KDM2B: variants seen among roughly 807,000 people sequenced by gnomAD.
KDM2B encodes the protein lysine-specific demethylase 2B.
Under a neutral mutation model 150.0 loss-of-function variants are expected in KDM2B, and 26 were observed. That is an observed-to-expected ratio of 0.17 (90% confidence interval 0.13 to 0.24). The LOEUF (loss-of-function observed/expected upper bound fraction) is 0.24, where lower values mean the gene tolerates loss of function less well. KDM2B is among the 10% of genes least tolerant of loss of function. The probability of loss-of-function intolerance (pLI) is 1.00; values close to 1 mark genes in which losing one functional copy is unlikely to be tolerated. For missense variants in KDM2B, 1,265 were observed against 1,816.9 expected (o/e 0.70, Z 5.52); for synonymous variants, 734 against 729.5 (o/e 1.01, Z -0.10).
At chr12:121,462,961 G>C (rs989762902) in intron 12 of KDM2B, among the ~76,000 whole-genome samples, 1 of 150,972 alleles carries the variant, frequency 6.6e-6, no homozygotes, top group Non-Finnish European at 1.5e-5. Flanking sequence ...AATTAGCCAG[G>C]TGTGATGGCA....
intron 11 of KDM2B, among the ~76,000 whole-genome samples, chr12:121,499,156 G>C (rs1555301481): frequency 1.3e-5 from 2 of 148,526 alleles, no homozygotes; most frequent in Non-Finnish European, 3.0e-5. Context: ...TGTCGCCCAG[G>C]CTAGAGTGCA....
At chr12:121,447,180 C>T (rs1876417716) in intron 13 of KDM2B, among the ~76,000 whole-genome samples, 1 of 152,192 alleles carries the variant, frequency 6.6e-6, no homozygotes. Flanking sequence ...TTTCCTCATA[C>T]TCCCTCCAAA....
chr12:121,527,433 G>T (rs1555307006), intron 8 of KDM2B, among the ~76,000 whole-genome samples: 1 of 145,866 alleles, frequency 6.9e-6, no homozygotes, highest in Admixed American at 6.9e-5. Flanking sequence ...GGCCAAGGCG[G>T]GCAGATCAGG....
chr12:121,516,688 C>G, intron 9 of KDM2B: 1 of 629,844 alleles, frequency 1.6e-6, no homozygotes, highest in Non-Finnish European at 2.8e-6. Flanking sequence ...TCAGGGCCCA[C>G]TCAGCGGCAC....
intron 12 of KDM2B, among the ~76,000 whole-genome samples, chr12:121,479,282 C>T (rs1343947611): frequency 1.3e-5 from 2 of 150,456 alleles, no homozygotes; most frequent in African/African-American, 4.9e-5. Context: ...ACCCGCCCCT[C>T]CCCACCCCCG....
intron 4 of KDM2B, among the ~76,000 whole-genome samples, chr12:121,567,040 C>A (rs914992899): frequency 6.6e-6 from 1 of 151,972 alleles, no homozygotes; most frequent in Non-Finnish European, 1.5e-5. Flanking sequence ...AGCCACCACA[C>A]CCTGCCTCTC....
Position 121,445,553 on chromosome 12 carries a change from GCTCA to G in KDM2B, c.1960-139_1960-136del, listed in dbSNP as rs1473203064. 3.9e-6 allele frequency: 3 copies of G among 763,770 alleles called. No individual in the cohort carries two copies. In the East Asian group the frequency reaches 8.1e-5, roughly 21 times the overall value. 47.3% of individuals were successfully genotyped at this position (763,770 alleles called of 1,614,324 possible). A position where few individuals can be genotyped will look rare whatever the true frequency, so the allele number is the denominator to read the frequency against. ...CCCGGAAAGTGGCCCAGGCACATTC[GCTCA>G]CTCATTCATTGAAATACGTATCAGG... On this transcript the variant is annotated intron_variant, in intron 13 of 22. Transcript: ENST00000377071.
At chr12:121,574,126 C>A (rs1555316454) in intron 4 of KDM2B, among the ~76,000 whole-genome samples, 1 of 152,168 alleles carries the variant, frequency 6.6e-6, no homozygotes, top group Non-Finnish European at 1.5e-5. Context: ...GCTGAGCTCG[C>A]AGTTCCAAGC....
intron 4 of KDM2B, among the ~76,000 whole-genome samples, chr12:121,561,526 G>A (rs1336480611): frequency 6.6e-6 from 1 of 152,096 alleles, no homozygotes; most frequent in African/African-American, 2.4e-5. Flanking sequence ...GCACCATGGC[G>A]CCTGGCCCCT....
chr12:121,416,207 G>A, the KDM2B span: 5 of 1,614,144 alleles, frequency 3.1e-6, no homozygotes, highest in Non-Finnish European at 4.2e-6. Context: ...GCTGAATGAA[G>A]TCATGGGAAC....
chr12:121,492,370 C>A (rs1883456516), intron 12 of KDM2B, among the ~76,000 whole-genome samples: 4 of 151,854 alleles, frequency 2.6e-5, no homozygotes, highest in Non-Finnish European at 1.5e-5. Context: ...TGCAGTGGCG[C>A]CATCTCAGCT....
chr12:121,567,373 T>C (rs1890778909), intron 4 of KDM2B, among the ~76,000 whole-genome samples: 1 of 152,220 alleles, frequency 6.6e-6, no homozygotes, highest in African/African-American at 2.4e-5. Context: ...AAATGACATC[T>C]TTAGGGTGAG....
chr12:121,538,859 C>T (rs1888376281), intron 6 of KDM2B, among the ~76,000 whole-genome samples: 1 of 152,074 alleles, frequency 6.6e-6, no homozygotes. Flanking sequence ...TGACACACCT[C>T]AACTCCAGGA....
intron 2 of KDM2B, 64 bp downstream of exon 2, chr12:121,578,738 A>T (rs1337821697): frequency 2.8e-6 from 3 of 1,070,888 alleles, no homozygotes; most frequent in Non-Finnish European, 3.4e-6. Context: ...AGCCACCGGC[A>T]GCTCCCTCCC....
chr12:121,577,288 C>T (rs782651381), intron 2 of KDM2B, among the ~76,000 whole-genome samples: 3 of 152,162 alleles, frequency 2.0e-5, no homozygotes, highest in Non-Finnish European at 4.4e-5. Flanking sequence ...CTCTGAAATC[C>T]TGGGCTGAGA....
chr12:121,564,987 C>T (rs1221785298), intron 4 of KDM2B, among the ~76,000 whole-genome samples: 2 of 151,990 alleles, frequency 1.3e-5, no homozygotes, highest in African/African-American at 2.4e-5. Context: ...CGTGCACCAC[C>T]ACACCCAGCT....
Position 121,580,888 on chromosome 12 carries a change from TC to T in KDM2B, c.23del (p.Gly8AspfsTer99), listed in dbSNP as rs782171290. MAGPQMG[G>X]SAEDHPPRKR... The stretch of plus-strand genomic sequence containing the variant: ...TTCGTGGGGGGTGATCCTCTGCAGA[TC>T]CCCCCATTTGCGGACCCGCCATGTG... On this transcript the variant is annotated frameshift_variant, in exon 1 of 23. Transcript: ENST00000377071. LOFTEE classifies it high-confidence loss of function. 3 of 1,613,372 alleles carry T rather than the reference TC, an allele frequency of 1.9e-6. No individual in the cohort carries two copies. The highest frequency in any genetic ancestry group is 2.5e-6 in the Non-Finnish European group (3 of 1,179,610).
intron 12 of KDM2B, among the ~76,000 whole-genome samples, chr12:121,483,640 G>T (rs148852417): frequency 6.6e-6 from 1 of 151,882 alleles, no homozygotes; most frequent in Non-Finnish European, 1.5e-5. Context: ...TTGCACCACC[G>T]CACTCCAGCC....
At chr12:121,441,810 G>A (rs543507808) in intron 19 of KDM2B, among the ~76,000 whole-genome samples, 1 of 152,284 alleles carries the variant, frequency 6.6e-6, no homozygotes, top group South Asian at 2.1e-4. Flanking sequence ...CGTCATGCCC[G>A]TTCATCCAAG....
Sources: gnomAD v4.1 joint callset for allele counts (sites outside exome capture counted in the v4.1 genomes callset) on GRCh38, gnomAD v4.1.1 for gene constraint, MANE v1.5 for transcripts, NCBI Gene and HGNC (gene_info 2026-07-23, HGNC 2026-07-21) for gene names.